Variants in SYNPO2 observed in about 807,000 individuals in gnomAD.
SYNPO2 encodes synaptopodin 2.
SYNPO2 carries 56 observed loss-of-function variants against 85.0 expected under a neutral mutation model. That is an observed-to-expected ratio of 0.66 (90% CI 0.53 to 0.82). SYNPO2 has a LOEUF of 0.82. SYNPO2 is among the 40% of genes least tolerant of loss of function. SYNPO2 has a pLI of 0.00. For missense variants in SYNPO2, 1,575 were observed against 1,534.2 expected, an observed-to-expected ratio of 1.03 and a Z score of -0.44; for synonymous variants, 602 against 591.1, an observed-to-expected ratio of 1.02 and a Z score of -0.27.
intron 1 of SYNPO2, among the ~76,000 whole-genome samples, chr4:118,928,653 AC>A (rs1452131109): frequency 1.3e-5 from 2 of 152,128 alleles, no homozygotes; most frequent in Non-Finnish European, 2.9e-5. Flanking sequence ...TTTTTCTTTA[AC>A]CCTCTTTTAT....
chr4:118,983,499 T>C (rs889881681), intron 1 of SYNPO2, among the ~76,000 whole-genome samples: 3 of 152,212 alleles, frequency 2.0e-5, no homozygotes, highest in African/African-American at 7.2e-5. Flanking sequence ...TTCCTCTTAG[T>C]GCATTACATT....
chr4:119,059,759 A>G lies in SYNPO2; in HGVS notation c.*1825A>G, dbSNP rs144280359. ...ATCTTGAAAGTTAAAAAAAAAAAGT[A>G]AAGAAATCACAGTAAGTTCTATTAG... On this transcript the variant is annotated 3_prime_UTR_variant, in exon 5 of 5. Coordinates refer to ENST00000307142, the MANE Select transcript of SYNPO2 (RefSeq NM_133477.3). The G allele has an allele frequency of 5.3e-3, 806 of 152,200 alleles. 8 individuals are homozygous for G. The highest frequency in any genetic ancestry group is 0.018 in the African/African-American group (746 of 41,520). 9.4% of individuals were successfully genotyped at this position (152,200 alleles called of 1,614,324 possible).
chr4:118,963,083 G>A (rs1366078650), intron 1 of SYNPO2, among the ~76,000 whole-genome samples: 4 of 152,150 alleles, frequency 2.6e-5, no homozygotes, highest in African/African-American at 9.7e-5. Context: ...ATCTGAGAGT[G>A]AACTCAATTT....
intron 1 of SYNPO2, among the ~76,000 whole-genome samples, chr4:118,899,836 A>G (rs1578530474): frequency 6.6e-6 from 1 of 152,182 alleles, no homozygotes; most frequent in Non-Finnish European, 1.5e-5. Context: ...ATCTTGGCCC[A>G]CTGCAACCTC....
At position 119,027,249 on chromosome 4, in the gene SYNPO2, C is replaced by T. The variant is rs774651334; in HGVS notation, c.880C>T (p.Gln294Ter). Residue 294 changes from glutamine (Q) to a stop codon, truncating the protein, a stop_gained, in exon 3 of 5, where the codon CAG (glutamine) becomes TAG (stop). Transcript: ENST00000307142. LOFTEE classifies it high-confidence loss of function. ...AGTGATCCTCGACTGCTCTGACAGG[C>T]AGAAGACAGAAGGGTGCAGGCTTCA... ...VEVILDCSDR[Q>*]KTEGCRLQAG... 6.2e-7 allele frequency: 1 copy of T among 1,614,062 alleles called. No individual in the cohort carries two copies. The highest frequency in any genetic ancestry group is 8.5e-7 in the Non-Finnish European group (1 of 1,180,028).
At chr4:118,868,452 GCAGAA>G (rs1731742504) in intron 1 of SYNPO2, among the ~76,000 whole-genome samples, 1 of 151,982 alleles carries the variant, frequency 6.6e-6, no homozygotes, top group South Asian at 2.1e-4. Context: ...CAGATATTTG[GCAGAA>G]CAGATTACTT....
At chr4:119,026,062 T>C (rs1190471640) in intron 2 of SYNPO2, among the ~76,000 whole-genome samples, 2 of 152,214 alleles carry the variant, frequency 1.3e-5, no homozygotes, top group Non-Finnish European at 2.9e-5. Flanking sequence ...GGATTTCTCT[T>C]TACGCAAGAG....
intron 1 of SYNPO2, among the ~76,000 whole-genome samples, chr4:118,954,708 T>C (rs989603847): frequency 6.6e-6 from 1 of 152,176 alleles, no homozygotes; most frequent in Non-Finnish European, 1.5e-5. Flanking sequence ...TTGTCTAATA[T>C]GGTTTTATCT....
chr4:118,935,845 T>A (rs969757993), intron 1 of SYNPO2, among the ~76,000 whole-genome samples: 2 of 152,236 alleles, frequency 1.3e-5, no homozygotes, highest in Non-Finnish European at 2.9e-5. Flanking sequence ...TATTTACTAT[T>A]CATTAAGTGG....
intron 1 of SYNPO2, among the ~76,000 whole-genome samples, chr4:118,976,443 A>C (rs1448155769): frequency 6.6e-6 from 1 of 152,140 alleles, no homozygotes; most frequent in African/African-American, 2.4e-5. Flanking sequence ...AAAAGAACAA[A>C]GCTTCCACAC....
intron 1 of SYNPO2, among the ~76,000 whole-genome samples, chr4:118,977,423 C>T (rs551554225): frequency 3.9e-5 from 6 of 152,372 alleles, no homozygotes; most frequent in Admixed American, 2.6e-4. Flanking sequence ...TTCCCGCTCA[C>T]GCCTCTCCCT....
At chr4:118,915,600 A>G (rs1297405219) in intron 1 of SYNPO2, among the ~76,000 whole-genome samples, 2 of 152,114 alleles carry the variant, frequency 1.3e-5, no homozygotes, top group Non-Finnish European at 2.9e-5. Flanking sequence ...GTTGATGGGC[A>G]TCTGGGTTGC....
intron 1 of SYNPO2, among the ~76,000 whole-genome samples, chr4:118,856,749 C>T (rs966390442): frequency 7.2e-5 from 11 of 152,124 alleles, no homozygotes; most frequent in African/African-American, 2.4e-4. Flanking sequence ...TGGGCTCAAG[C>T]GATCTGCTTG....
At chr4:119,042,336 G>T (rs1738742806) in intron 4 of SYNPO2, 1 of 152,160 alleles carries the variant, frequency 6.6e-6, no homozygotes, top group Admixed American at 6.5e-5. Flanking sequence ...GGATAGAATA[G>T]AATGATACAA....
intron 1 of SYNPO2, among the ~76,000 whole-genome samples, chr4:118,851,263 A>G (rs1039415095): frequency 6.6e-6 from 1 of 152,150 alleles, no homozygotes; most frequent in African/African-American, 2.4e-5. Flanking sequence ...GGAACCCTTG[A>G]CATTCTTAAA....
chr4:118,851,279 T>G (rs1332251237), intron 1 of SYNPO2, among the ~76,000 whole-genome samples: 2 of 152,138 alleles, frequency 1.3e-5, no homozygotes, highest in Non-Finnish European at 2.9e-5. Context: ...TTAAAAATGA[T>G]TGAGGATTGA....
chr4:119,028,546 T>G (rs1411710680), intron 3 of SYNPO2, among the ~76,000 whole-genome samples: 1 of 152,196 alleles, frequency 6.6e-6, no homozygotes, highest in East Asian at 1.9e-4. Flanking sequence ...GCAGCAACTG[T>G]GCAACTGTGA....
intron 1 of SYNPO2, among the ~76,000 whole-genome samples, chr4:118,942,234 C>A (rs896818539): frequency 6.6e-6 from 1 of 152,196 alleles, no homozygotes; most frequent in African/African-American, 2.4e-5. Flanking sequence ...AATAAATGCA[C>A]TACTCTACCA....
intron 1 of SYNPO2, among the ~76,000 whole-genome samples, chr4:118,929,011 T>A (rs1049834180): frequency 1.3e-5 from 2 of 152,100 alleles, no homozygotes; most frequent in African/African-American, 4.8e-5. Flanking sequence ...AGGAAGGAAC[T>A]GTGTCTATTT....
Sources: allele counts gnomAD v4.1 joint callset (sites outside exome capture counted in the v4.1 genomes callset), GRCh38; gene constraint gnomAD v4.1.1; transcripts MANE v1.5; gene names NCBI Gene and HGNC (gene_info 2026-07-23, HGNC 2026-07-21).